Variants in DIPK1A observed in about 807,000 individuals in gnomAD.
DIPK1A encodes the protein divergent protein kinase domain 1A.
A neutral mutation model predicts 40.8 loss-of-function variants in DIPK1A; 27 were observed. The observed-to-expected ratio is 0.66, with a 90% CI of 0.49 to 0.91. DIPK1A has a LOEUF of 0.91. Ranked by LOEUF, DIPK1A falls within the 40% of genes least tolerant of loss-of-function variation. DIPK1A has a pLI of 0.00. For missense variants in DIPK1A, 412 were observed against 505.7 expected (o/e 0.81, Z 1.78); for synonymous variants, 166 against 171.3 (o/e 0.97, Z 0.24).
exon 5 of DIPK1A, chr1:92,832,984 C>G: frequency 1.4e-6 from 1 of 731,626 alleles, no homozygotes; most frequent in South Asian, 1.4e-5. Context: ...TCACTGATTG[C>G]TGTCTGGAGC....
chr1:92,947,075 G>A (rs1651402738), intron 1 of DIPK1A, among the ~76,000 whole-genome samples: 1 of 151,764 alleles, frequency 6.6e-6, no homozygotes, highest in African/African-American at 2.4e-5. Flanking sequence ...ATTATATTTA[G>A]TTATTTCTAT....
intron 1 of DIPK1A, among the ~76,000 whole-genome samples, chr1:92,904,891 G>T (rs1399942651): frequency 1.3e-5 from 2 of 152,078 alleles, no homozygotes; most frequent in African/African-American, 2.4e-5. Flanking sequence ...ACAAATAAGT[G>T]AGAACATGTG....
intron 1 of DIPK1A, among the ~76,000 whole-genome samples, chr1:92,877,764 C>T (rs779747328): frequency 1.6e-4 from 25 of 152,170 alleles, no homozygotes; most frequent in Non-Finnish European, 3.2e-4. Context: ...ACATAAAAGA[C>T]AATGGGGTAT....
At chr1:92,922,877 A>G (rs961811704) in intron 1 of DIPK1A, among the ~76,000 whole-genome samples, 2 of 152,126 alleles carry the variant, frequency 1.3e-5, no homozygotes, top group African/African-American at 4.8e-5. Flanking sequence ...CTGGTGCTGT[A>G]GAAAAGTCTG....
chr1:92,939,659 T>G (rs1200644566), intron 1 of DIPK1A, among the ~76,000 whole-genome samples: 1 of 152,100 alleles, frequency 6.6e-6, no homozygotes, highest in East Asian at 1.9e-4. Context: ...CATAGAAAAT[T>G]TACATTTATC....
intron 1 of DIPK1A, among the ~76,000 whole-genome samples, chr1:92,919,205 C>T (rs1032259036): frequency 1.3e-5 from 2 of 152,204 alleles, no homozygotes; most frequent in Non-Finnish European, 2.9e-5. Flanking sequence ...AAGCAATACA[C>T]GGCTTCATGT....
intron 1 of DIPK1A, among the ~76,000 whole-genome samples, chr1:92,900,279 T>G (rs1477245341): frequency 6.6e-6 from 1 of 151,016 alleles, no homozygotes; most frequent in African/African-American, 2.4e-5. Flanking sequence ...CCCATAAGTC[T>G]TGCAGGCTTT....
chr1:92,913,615 G>C (rs1474615180), intron 1 of DIPK1A, among the ~76,000 whole-genome samples: 1 of 152,158 alleles, frequency 6.6e-6, no homozygotes, highest in Non-Finnish European at 1.5e-5. Context: ...TGCTCCATGA[G>C]CTGTAACTGA....
intron 4 of DIPK1A, chr1:92,833,489 A>T: frequency 6.2e-7 from 1 of 1,611,852 alleles, no homozygotes; most frequent in Non-Finnish European, 8.5e-7. Context: ...TTACAATATT[A>T]ATCTGCTTTG....
rs1649970396 is a variant in DIPK1A at position 92,914,606 on chromosome 1, T to C, written c.55-38176A>G. 2.0e-5 allele frequency among the ~76,000 whole-genome samples: 3 copies of C among 151,160 alleles called. 1 individual carries two copies. In the South Asian group the frequency reaches 6.3e-4, roughly 32 times the overall value. On this transcript the variant is annotated intron_variant, in intron 1 of 4. Transcript: ENST00000370310. ...CAACATGGTGAAACCCCGTCTCTAC[T>C]AAAAACACAAAAATTAGCTGGGCAC... is the stretch of plus-strand genomic sequence containing the variant.
At chr1:92,935,342 T>C (rs1279636786) in intron 1 of DIPK1A, among the ~76,000 whole-genome samples, 1 of 152,230 alleles carries the variant, frequency 6.6e-6, no homozygotes, top group Non-Finnish European at 1.5e-5. Context: ...TGTGAGATAC[T>C]ATATATTAAT....
chr1:92,901,934 C>G (rs1037668252), intron 1 of DIPK1A, among the ~76,000 whole-genome samples: 1 of 152,114 alleles, frequency 6.6e-6, no homozygotes, highest in Non-Finnish European at 1.5e-5. Context: ...CCCTAGGACA[C>G]AGGATATTAC....
chr1:92,900,422 T>C (rs1441946933), intron 1 of DIPK1A, among the ~76,000 whole-genome samples: 1 of 152,204 alleles, frequency 6.6e-6, no homozygotes. Flanking sequence ...ATTTCATTCA[T>C]TGACTTCTTC....
intron 1 of DIPK1A, among the ~76,000 whole-genome samples, chr1:92,905,325 T>C (rs1390173626): frequency 6.6e-6 from 1 of 152,148 alleles, no homozygotes; most frequent in African/African-American, 2.4e-5. Context: ...TGTTATTGCC[T>C]GTCTTTTGGA....
chr1:92,846,204 T>C (rs2774940), intron 4 of DIPK1A: 2 of 154,188 alleles, frequency 1.3e-5, no homozygotes, highest in African/African-American at 4.8e-5. Context: ...ATGGGATACA[T>C]AGTGATATTT....
At chr1:92,956,044 A>G (rs534308689) in intron 1 of DIPK1A, among the ~76,000 whole-genome samples, 25 of 152,218 alleles carry the variant, frequency 1.6e-4, no homozygotes, top group African/African-American at 4.8e-4. Context: ...TCAAGAAGAG[A>G]AAAGAAAAGA....
chr1:92,916,204 A>T (rs1205812041), intron 1 of DIPK1A, among the ~76,000 whole-genome samples: 1 of 152,156 alleles, frequency 6.6e-6, no homozygotes, highest in African/African-American at 2.4e-5. Context: ...TGAATATATT[A>T]AAAATTACTG....
At chr1:92,953,852 C>T (rs1249726278) in intron 1 of DIPK1A, among the ~76,000 whole-genome samples, 4 of 152,178 alleles carry the variant, frequency 2.6e-5, no homozygotes, top group African/African-American at 7.2e-5. Flanking sequence ...ATAGTTAATA[C>T]TACTATACTA....
intron 1 of DIPK1A, among the ~76,000 whole-genome samples, chr1:92,878,490 G>A (rs1483277545): frequency 6.6e-6 from 1 of 152,070 alleles, no homozygotes. Context: ...TTCAAGACCA[G>A]CCTGGCCAAC....
Sources: gnomAD v4.1 joint callset for allele counts (sites outside exome capture counted in the v4.1 genomes callset) on GRCh38, gnomAD v4.1.1 for gene constraint, MANE v1.5 for transcripts, NCBI Gene and HGNC (gene_info 2026-07-23, HGNC 2026-07-21) for gene names.